Variants in SUPT3H observed in about 807,000 individuals in gnomAD.
The protein encoded by SUPT3H is SPT3 homolog, SAGA and STAGA complex component.
SUPT3H carries 44 observed loss-of-function variants against 44.3 expected under a neutral mutation model. That is an observed-to-expected ratio of 0.99 (90% CI 0.78 to 1.28). The LOEUF is 1.28. SUPT3H is among the 50% of genes most tolerant of loss of function. The pLI is 0.00. For synonymous variants in SUPT3H, 124 were observed against 125.6 expected (o/e 0.99, Z 0.09); for missense variants, 380 against 387.1 (o/e 0.98, Z 0.15).
At chr6:45,145,165 A>G (rs920629110) in intron 2 of SUPT3H, among the ~76,000 whole-genome samples, 1 of 152,092 alleles carries the variant, frequency 6.6e-6, no homozygotes, top group Non-Finnish European at 1.5e-5. Context: ...TAGAAAAAAC[A>G]ATCCTAAAAT....
At chr6:44,978,390 A>G (rs1778631914) in intron 6 of SUPT3H, among the ~76,000 whole-genome samples, 1 of 152,190 alleles carries the variant, frequency 6.6e-6, no homozygotes, top group African/African-American at 2.4e-5. Flanking sequence ...TAAAGAATGG[A>G]ACTGTGATTT....
chr6:45,296,748 A>AAAAAAAAAAAAAAAAAAAAAAAAAAAAAT, intron 2 of SUPT3H, among the ~76,000 whole-genome samples: 1 of 147,272 alleles, frequency 6.8e-6, no homozygotes, highest in Non-Finnish European at 1.5e-5. Context: ...CAAAAAAAAA[A>AAAAAAAAAAAAAAAAAAAAAAAAAAAAAT]AAAAAAAAAA....
At chr6:44,879,226 C>T (rs1421241229) in intron 10 of SUPT3H, among the ~76,000 whole-genome samples, 1 of 152,122 alleles carries the variant, frequency 6.6e-6, no homozygotes, top group Non-Finnish European at 1.5e-5. Flanking sequence ...CTGGGACATT[C>T]GAGCTTGGTG....
At chr6:45,242,911 A>G (rs986863639) in intron 2 of SUPT3H, among the ~76,000 whole-genome samples, 5 of 152,106 alleles carry the variant, frequency 3.3e-5, no homozygotes, top group Admixed American at 2.0e-4. Flanking sequence ...GAGCTATTAT[A>G]AGGCTGGGCG....
At chr6:44,967,281 A>C (rs1202254723) in intron 6 of SUPT3H, among the ~76,000 whole-genome samples, 1 of 152,236 alleles carries the variant, frequency 6.6e-6, no homozygotes, top group African/African-American at 2.4e-5. Context: ...CCGGGAAGTT[A>C]CAGCATTTTC....
chr6:45,129,856 G>A (rs767836700), intron 2 of SUPT3H, among the ~76,000 whole-genome samples: 1 of 151,844 alleles, frequency 6.6e-6, no homozygotes, highest in Non-Finnish European at 1.5e-5. Context: ...GGATGGAGAG[G>A]AAGACTGCAG....
intron 10 of SUPT3H, among the ~76,000 whole-genome samples, chr6:44,904,750 C>T (rs149741231): frequency 0.047 from 7,195 of 152,218 alleles, 242 homozygotes; most frequent in South Asian, 0.13. Flanking sequence ...GGAGGCATCA[C>T]GCTACCTGAC....
chr6:44,832,207 A>G (rs1768927781), intron 10 of SUPT3H, among the ~76,000 whole-genome samples: 1 of 152,198 alleles, frequency 6.6e-6, no homozygotes, highest in African/African-American at 2.4e-5. Context: ...GATGAAGACA[A>G]CAACTCATCT....
chr6:45,273,079 C>T (rs1003133249), intron 2 of SUPT3H, among the ~76,000 whole-genome samples: 3 of 152,226 alleles, frequency 2.0e-5, no homozygotes, highest in African/African-American at 7.2e-5. Flanking sequence ...TTGTCTGCAG[C>T]TGATCTGGGT....
At chr6:45,327,005 A>C (rs1414965408) in intron 2 of SUPT3H, among the ~76,000 whole-genome samples, 6 of 151,940 alleles carry the variant, frequency 3.9e-5, no homozygotes, top group Admixed American at 6.6e-5. Context: ...TGGTTGAAAA[A>C]TACTCCATCG....
chr6:45,073,270 T>A (rs1794623235), intron 3 of SUPT3H, among the ~76,000 whole-genome samples: 1 of 152,076 alleles, frequency 6.6e-6, no homozygotes, highest in East Asian at 1.9e-4. Flanking sequence ...TCTATTTATA[T>A]CAGCTTGAGA....
chr6:45,191,836 ATAT>A (rs1468124395), intron 2 of SUPT3H, among the ~76,000 whole-genome samples: 44 of 152,246 alleles, frequency 2.9e-4, no homozygotes, highest in African/African-American at 9.9e-4. Flanking sequence ...AGCAGAGAAG[ATAT>A]TATTTACTAT....
chr6:45,252,892 C>T (rs2153653615), intron 2 of SUPT3H, among the ~76,000 whole-genome samples: 1 of 151,854 alleles, frequency 6.6e-6, no homozygotes, highest in Non-Finnish European at 1.5e-5. Flanking sequence ...TGGATTATTC[C>T]TGGGAGGACT....
At chr6:45,253,985 AC>A (rs1772894954) in intron 2 of SUPT3H, among the ~76,000 whole-genome samples, 1 of 151,188 alleles carries the variant, frequency 6.6e-6, no homozygotes, top group South Asian at 2.1e-4. Flanking sequence ...TCATATCTAT[AC>A]CTGTATCATT....
At chr6:45,255,230 G>A (rs899637779) in intron 2 of SUPT3H, among the ~76,000 whole-genome samples, 3 of 151,954 alleles carry the variant, frequency 2.0e-5, no homozygotes, top group African/African-American at 7.3e-5. Flanking sequence ...ATGCACTAAG[G>A]GTCTTGGAAT....
chr6:45,340,329 C>A (rs1042929437), intron 2 of SUPT3H, among the ~76,000 whole-genome samples: 1 of 151,568 alleles, frequency 6.6e-6, no homozygotes, highest in Non-Finnish European at 1.5e-5. Context: ...TTTGTTAAGC[C>A]CCCTTCCCCC....
chr6:45,347,132 A>G (rs564682748), intron 2 of SUPT3H, among the ~76,000 whole-genome samples: 4 of 152,288 alleles, frequency 2.6e-5, no homozygotes, highest in African/African-American at 7.2e-5. Flanking sequence ...AGAAGCTAAG[A>G]CTAAAGAATT....
At chr6:45,021,112 C>G (rs543366937) in intron 3 of SUPT3H, among the ~76,000 whole-genome samples, 1 of 151,870 alleles carries the variant, frequency 6.6e-6, no homozygotes, top group African/African-American at 2.4e-5. Flanking sequence ...AAAAAAAATA[C>G]GTTTAGTTTT....
chr6:45,371,448 A>C (rs1299828077), intron 1 of SUPT3H, among the ~76,000 whole-genome samples: 4 of 151,188 alleles, frequency 2.6e-5, no homozygotes, highest in Non-Finnish European at 5.9e-5. Context: ...TCCCTCTACC[A>C]ATGAGGAAAC....
Sources: allele counts gnomAD v4.1 joint callset (sites outside exome capture counted in the v4.1 genomes callset), GRCh38; gene constraint gnomAD v4.1.1; transcripts MANE v1.5; gene names NCBI Gene and HGNC (gene_info 2026-07-23, HGNC 2026-07-21).